The following INVS variants were observed in gnomAD, a reference collection of about 807,000 sequenced individuals.
INVS encodes the protein inversin.
Under a neutral mutation model 108.8 loss-of-function variants are expected in INVS, and 86 were observed. That is an observed-to-expected ratio of 0.79 (90% confidence interval 0.66 to 0.95). INVS has a LOEUF of 0.95. Among genes scored for constraint, INVS ranks in the 40% least tolerant of loss-of-function variants. The pLI is 0.00. For missense variants in INVS, 1,169 were observed against 1,297.4 expected (o/e 0.90, Z 1.52); for synonymous variants, 455 against 473.5 (o/e 0.96, Z 0.51).
intron 3 of INVS, among the ~76,000 whole-genome samples, chr9:100,216,858 T>C (rs1831004341): frequency 6.6e-6 from 1 of 152,176 alleles, no homozygotes; most frequent in South Asian, 2.1e-4. Flanking sequence ...ATCCCACCTC[T>C]CACCATTCAG....
rs766505489 is a variant in INVS, at chr9:100,229,660, C to G, written c.448C>G (p.Gln150Glu). 1 of 1,613,904 alleles carries G rather than the reference C, an allele frequency of 6.2e-7. No individual in the cohort carries two copies. Among genetic ancestry groups the G allele is most frequent in the Non-Finnish European group, 8.5e-7 (1 of 1,179,858 alleles). Residue 150 changes from glutamine (Q) to glutamate (E), a missense_variant and splice_region_variant, in exon 5 of 17, where the codon CAA becomes GAA. Around this residue, in one of 3 missense-constraint regions of INVS, gnomAD observed 365 missense variants for 397.5 expected, o/e 0.92. Coordinates refer to ENST00000262457, the MANE Select transcript of INVS (RefSeq NM_014425.5). ...GEVDTQDKNK[Q>E]TALHWSAYYN... is the part of the protein sequence containing the mutation. Reference sequence around the variant, plus strand: ...TTTCGAGAACCTCTCGATTTTGCAGCAAACAGCTCTGCATTGGAGTGCCTA... The same window carrying G: ...TTTCGAGAACCTCTCGATTTTGCAGGAAACAGCTCTGCATTGGAGTGCCTA...
chr9:100,134,235 C>G (rs1274736562), intron 3 of INVS, among the ~76,000 whole-genome samples: 6 of 152,178 alleles, frequency 3.9e-5, no homozygotes, highest in African/African-American at 1.4e-4. Flanking sequence ...ATAATAGTCT[C>G]TAATCTCATC....
At chr9:100,178,763 C>T (rs1340762193) in intron 3 of INVS, among the ~76,000 whole-genome samples, 1 of 152,102 alleles carries the variant, frequency 6.6e-6, no homozygotes, top group Non-Finnish European at 1.5e-5. Context: ...AAGAGACCAA[C>T]ATTCAAATTC....
chr9:100,153,192 A>G (rs1828863325), intron 3 of INVS, among the ~76,000 whole-genome samples: 1 of 152,106 alleles, frequency 6.6e-6, no homozygotes, highest in Non-Finnish European at 1.5e-5. Flanking sequence ...GTGATAGGAA[A>G]AAGACTAATA....
chr9:100,283,350 A>G (rs755875345), intron 12 of INVS, among the ~76,000 whole-genome samples: 1 of 152,196 alleles, frequency 6.6e-6, no homozygotes, highest in Non-Finnish European at 1.5e-5. Context: ...TCTATCATAT[A>G]TTAGGTCTTT....
In INVS at chr9:100,163,589, G is replaced by T. The variant is rs189661697; in HGVS notation, c.273+37040G>T. On this transcript the variant is annotated intron_variant, in intron 3 of 16. Transcript: ENST00000262457. Reference sequence around the variant, plus strand: ...TTAAAGTATATATTATATCAGATGGGGATACATGCTATGGAAAAAAAATAA... The same window carrying T: ...TTAAAGTATATATTATATCAGATGGTGATACATGCTATGGAAAAAAAATAA... 7.9e-5 allele frequency among the ~76,000 whole-genome samples: 12 copies of T among 152,152 alleles called. No individual in the cohort carries two copies. The East Asian group carries it at 1.9e-3, about 24-fold the overall frequency.
intron 6 of INVS, among the ~76,000 whole-genome samples, chr9:100,242,122 T>G (rs1230653750): frequency 6.6e-6 from 1 of 152,186 alleles, no homozygotes. Context: ...GAAGAGGTTG[T>G]GTTATAGTTT....
At chr9:100,262,959 C>T (rs1361730384) in intron 10 of INVS, among the ~76,000 whole-genome samples, 5 of 151,944 alleles carry the variant, frequency 3.3e-5, no homozygotes, top group South Asian at 2.1e-4. Flanking sequence ...ATGTTGCCCA[C>T]GGCTGTTCTT....
At chr9:100,284,907 T>G (rs1002170835) in intron 13 of INVS, among the ~76,000 whole-genome samples, 5 of 152,220 alleles carry the variant, frequency 3.3e-5, no homozygotes, top group Non-Finnish European at 7.3e-5. Context: ...CTTTTACGTT[T>G]CATTGCTTAG....
At chr9:100,182,119 A>G (rs530770554) in intron 3 of INVS, among the ~76,000 whole-genome samples, 290 of 152,324 alleles carry the variant, frequency 1.9e-3, no homozygotes, top group African/African-American at 6.6e-3. Context: ...TTAACTCAAG[A>G]TGGATTAAAG....
chr9:100,292,187 A>T, intron 13 of INVS, 139 bp from the exon 14 acceptor site: 1 of 798,780 alleles, frequency 1.3e-6, no homozygotes, highest in Non-Finnish European at 2.1e-6. Flanking sequence ...AATAGAAGTT[A>T]AACCGTTTTT....
intron 3 of INVS, among the ~76,000 whole-genome samples, chr9:100,153,600 G>T (rs981228974): frequency 3.3e-5 from 5 of 152,190 alleles, no homozygotes; most frequent in African/African-American, 9.7e-5. Context: ...AAATGGAAAT[G>T]GTTTCCTTAG....
chr9:100,175,184 G>T, intron 3 of INVS: 1 of 499,766 alleles, frequency 2.0e-6, no homozygotes. Context: ...TAACATGAGT[G>T]TGCATCCAGC....
At chr9:100,184,970 T>C (rs1830010542) in intron 3 of INVS, among the ~76,000 whole-genome samples, 1 of 152,194 alleles carries the variant, frequency 6.6e-6, no homozygotes. Flanking sequence ...TTCTGTGTAA[T>C]GCATGCCATA....
At chr9:100,239,102 T>C (rs1831783454) in intron 5 of INVS, among the ~76,000 whole-genome samples, 1 of 152,248 alleles carries the variant, frequency 6.6e-6, no homozygotes, top group Non-Finnish European at 1.5e-5. Flanking sequence ...TGTTTGAAGA[T>C]ATCCTTCACC....
intron 3 of INVS, among the ~76,000 whole-genome samples, chr9:100,210,236 TG>T (rs1204492596): frequency 2.0e-5 from 3 of 152,034 alleles, no homozygotes; most frequent in African/African-American, 4.8e-5. Context: ...AGGGATAGTG[TG>T]GGGGTTATTG....
chr9:100,143,660 C>T (rs1209245983), intron 3 of INVS, among the ~76,000 whole-genome samples: 1 of 151,932 alleles, frequency 6.6e-6, no homozygotes, highest in Non-Finnish European at 1.5e-5. Context: ...GTTAAAGTGT[C>T]GGCCTAATAA....
chr9:100,190,762 G>A (rs1385883662), intron 3 of INVS, among the ~76,000 whole-genome samples: 1 of 152,030 alleles, frequency 6.6e-6, no homozygotes, highest in African/African-American at 2.4e-5. Context: ...TCCTTTATAG[G>A]TTACCTGATG....
At chr9:100,184,596 A>G (rs1367787882) in intron 3 of INVS, among the ~76,000 whole-genome samples, 3 of 152,194 alleles carry the variant, frequency 2.0e-5, no homozygotes, top group Non-Finnish European at 1.5e-5. Context: ...TCTGTATGTA[A>G]TAAGTCTGTC....
Sources: gnomAD v4.1 joint callset for allele counts (sites outside exome capture counted in the v4.1 genomes callset) on GRCh38, gnomAD v4.1.1 for gene constraint, gnomAD v4.1.1 regional missense constraint, MANE v1.5 for transcripts, NCBI Gene and HGNC (gene_info 2026-07-23, HGNC 2026-07-21) for gene names.